PRDM16: variants seen among roughly 807,000 people sequenced by gnomAD.
PRDM16 encodes histone-lysine N-methyltransferase PRDM16.
PRDM16 carries 23 observed loss-of-function variants against 110.6 expected under a neutral mutation model. That is an observed-to-expected ratio of 0.21 (90% confidence interval 0.15 to 0.29). The LOEUF is 0.29. Among genes scored for constraint, PRDM16 ranks in the 10% least tolerant of loss-of-function variants. PRDM16 has a pLI of 1.00. For synonymous variants in PRDM16, 799 were observed against 781.8 expected, an observed-to-expected ratio of 1.02 and a Z score of -0.37; for missense variants, 1,615 against 1,794.3, an observed-to-expected ratio of 0.90 and a Z score of 1.81.
intron 3 of PRDM16, among the ~76,000 whole-genome samples, chr1:3,365,916 AT>A (rs1557635523): frequency 1.4e-5 from 2 of 145,602 alleles, no homozygotes; most frequent in East Asian, 2.1e-4. Context: ...ACATGCACAC[AT>A]ACACACACGC....
chr1:3,399,276 C>T (rs1643430833), intron 5 of PRDM16, among the ~76,000 whole-genome samples: 1 of 152,200 alleles, frequency 6.6e-6, no homozygotes, highest in Non-Finnish European at 1.5e-5. Context: ...GCGCATGAGC[C>T]AGCCAGATCG....
Position 3,414,380 on chromosome 1 carries a change from G to A in PRDM16, c.2604-180G>A, listed in dbSNP as rs543443143. ...AGGGGTGCAGGTGGGCTGGGCTCCC[G>A]ACATCCCCAAGGCCCACAGAGGAGT... On this transcript the variant is annotated intron_variant, in intron 9 of 16. Coordinates refer to ENST00000270722, the MANE Select transcript of PRDM16 (RefSeq NM_022114.4). Among the ~76,000 whole-genome samples the A allele has an allele frequency of 6.6e-5, 10 of 152,248 alleles. No homozygotes were observed. The South Asian group carries it at 1.0e-3, about 16-fold the overall frequency.
rs74048400 is a variant in PRDM16 at position 3,243,487 on chromosome 1, C to A, written c.388-600C>A. Among the ~76,000 whole-genome samples the A allele has an allele frequency of 0.12, 18,126 of 152,150 alleles. 1,925 individuals carry two copies. Among genetic ancestry groups the A allele is most frequent in the African/African-American group, 0.28 (11,808 of 41,452 alleles). ...GCCGACCTCTGCCCCTGCCTCTGGC[C>A]GCCCGCCGCTGTCTCCTGGGACCGC... On this transcript the variant is annotated intron_variant, in intron 2 of 16. Coordinates refer to ENST00000270722, the MANE Select transcript of PRDM16 (RefSeq NM_022114.4). The surrounding 1 kb of genome is among the most constrained non-coding windows in gnomAD (Gnocchi z 5.5).
intron 1 of PRDM16, among the ~76,000 whole-genome samples, chr1:3,140,199 C>G (rs369007551): frequency 6.6e-6 from 1 of 152,232 alleles, no homozygotes; most frequent in Non-Finnish European, 1.5e-5. Context: ...CCCGGATGGC[C>G]GTTGCCACGC....
chr1:3,184,615 G>A (rs750678367), intron 1 of PRDM16, among the ~76,000 whole-genome samples: 2 of 152,182 alleles, frequency 1.3e-5, no homozygotes, highest in African/African-American at 4.8e-5. Flanking sequence ...TAAAGGGGGC[G>A]ATTCAGTGGC....
At chr1:3,312,340 C>T (rs1386515788) in intron 3 of PRDM16, among the ~76,000 whole-genome samples, 3 of 152,228 alleles carry the variant, frequency 2.0e-5, no homozygotes, top group South Asian at 2.1e-4. Context: ...AGCAGCCTCT[C>T]ACTGGGCCGG....
intron 3 of PRDM16, among the ~76,000 whole-genome samples, chr1:3,355,897 TCCCCCAAACAC>T (rs1169549957): frequency 2.0e-5 from 3 of 151,648 alleles, no homozygotes; most frequent in East Asian, 1.9e-4. Context: ...AGACCCTTCC[TCCCCCAAACAC>T]CCCCCAAACA....
chr1:3,112,765 G>A (rs1225926332), intron 1 of PRDM16, among the ~76,000 whole-genome samples: 1 of 152,272 alleles, frequency 6.6e-6, no homozygotes, highest in Non-Finnish European at 1.5e-5. Context: ...AGTCACCCTT[G>A]CATTGGCAAA....
intron 3 of PRDM16, among the ~76,000 whole-genome samples, chr1:3,266,929 C>G (rs914933324): frequency 6.6e-6 from 1 of 152,206 alleles, no homozygotes; most frequent in African/African-American, 2.4e-5. Flanking sequence ...CCATCCGCCT[C>G]GACTTCCGAA....
chr1:3,227,738 CCTCTTCAAATATCAGAAGAAAGAGGTGG>C lies in PRDM16; in HGVS notation c.388-16346_388-16319del, dbSNP rs370769386. On this transcript the variant is annotated intron_variant, in intron 2 of 16. Coordinates refer to ENST00000270722, the MANE Select transcript of PRDM16 (RefSeq NM_022114.4). Reference sequence around the variant, plus strand: ...CTCCGCCAGCCCTAACCCTTTAGCTCCTCTTCAAATATCAGAAGAAAGAGGTGGCTGTGAAGAGCTTCTTGCAGGGGGT... The same window carrying C: ...CTCCGCCAGCCCTAACCCTTTAGCTCCTGTGAAGAGCTTCTTGCAGGGGGT... 7.0e-3 allele frequency among the ~76,000 whole-genome samples: 1,070 copies of C among 152,336 alleles called. 14 individuals are homozygous for C. The highest frequency in any genetic ancestry group is 0.025 in the African/African-American group (1,041 of 41,564).
At chr1:3,200,602 G>A (rs4288533) in intron 2 of PRDM16, among the ~76,000 whole-genome samples, 1,933 of 152,296 alleles carry the variant, frequency 0.013, 27 homozygotes, top group African/African-American at 0.032. Context: ...TCGGCCTCCC[G>A]AAGTGCTGGG....
chr1:3,404,844 C>T lies in PRDM16; in HGVS notation c.990C>T (p.Ser330=), dbSNP rs1419040517. The T allele has an allele frequency of 6.2e-7, 1 of 1,613,412 alleles. No individual in the cohort carries two copies. Among genetic ancestry groups the T allele is most frequent in the African/African-American group, 1.3e-5 (1 of 74,936 alleles). ...CCAACCTCATCCGCCACCAGATGTCCCACGACAGCGGCAAACGCTTCGAAT... is the reference window on the plus strand; with the variant it reads ...CCAACCTCATCCGCCACCAGATGTCTCACGACAGCGGCAAACGCTTCGAAT... ...WKSNLIRHQM[S]HDSGKRFECE... The change falls in exon 7 of 17, where the codon TCC becomes TCT. Residue 330 remains serine, a synonymous_variant. Transcript: ENST00000270722.
chr1:3,130,854 C>T lies in PRDM16; in HGVS notation c.38-55271C>T, dbSNP rs966904076. 2.0e-5 allele frequency among the ~76,000 whole-genome samples: 3 copies of T among 151,386 alleles called. No homozygotes were observed. The East Asian group carries it at 5.9e-4, about 30-fold the overall frequency. ...TGCCGGCACACGGTTCTGGGTTTCA[C>T]AGCGTCAGACCCACCAGCCCTTGCT... On this transcript the variant is annotated intron_variant, in intron 1 of 16. Transcript: ENST00000270722.
intron 3 of PRDM16, among the ~76,000 whole-genome samples, chr1:3,312,017 T>C (rs1166979403): frequency 2.0e-5 from 3 of 152,206 alleles, no homozygotes; most frequent in Non-Finnish European, 2.9e-5. Context: ...GAGAAGGCTC[T>C]GGAGTGTCCA....
At chr1:3,149,337 A>G (rs1643734798) in intron 1 of PRDM16, among the ~76,000 whole-genome samples, 1 of 152,074 alleles carries the variant, frequency 6.6e-6, no homozygotes, top group Non-Finnish European at 1.5e-5. Context: ...AGTGGCTCCG[A>G]GATTCCCAAA....
At chr1:3,263,297 G>C (rs1569950183) in intron 3 of PRDM16, among the ~76,000 whole-genome samples, 1 of 152,206 alleles carries the variant, frequency 6.6e-6, no homozygotes, top group Admixed American at 6.5e-5. Flanking sequence ...TTTGTCAAAG[G>C]CCTCACCCCC....
At chr1:3,424,651 A>T (rs1018483731) in intron 12 of PRDM16, among the ~76,000 whole-genome samples, 3 of 152,246 alleles carry the variant, frequency 2.0e-5, no homozygotes, top group African/African-American at 7.2e-5. Context: ...TCCTTAATAG[A>T]GGAGGCAGCC....
chr1:3,267,794 AC>A (rs1369494924), intron 3 of PRDM16, among the ~76,000 whole-genome samples: 1 of 151,812 alleles, frequency 6.6e-6, no homozygotes. Flanking sequence ...CTGCGGGTCC[AC>A]AGTGGGTGTC....
chr1:3,426,345 AGTGGGGGCCTC>A (rs1317068609), intron 14 of PRDM16, 120 bp downstream of exon 14: 6 of 742,912 alleles, frequency 8.1e-6, no homozygotes, highest in Non-Finnish European at 1.3e-5. Flanking sequence ...AGATAGGCGC[AGTGGGGGCCTC>A]ACCACAGAGG....
Sources: gnomAD v4.1 joint callset for allele counts (sites outside exome capture counted in the v4.1 genomes callset) on GRCh38, gnomAD v4.1.1 for gene constraint, Gnocchi (gnomAD v3.1) non-coding constraint, MANE v1.5 for transcripts, NCBI Gene and HGNC (gene_info 2026-07-23, HGNC 2026-07-21) for gene names.